Variants in PLCD4 observed in about 807,000 individuals in gnomAD.
PLCD4 encodes phospholipase C delta 4, also known as 1-phosphatidylinositol 4,5-bisphosphate phosphodiesterase delta-4.
In PLCD4, 63 loss-of-function variants were observed where a neutral mutation model predicts 90.2. The observed-to-expected ratio is 0.70, with a 90% CI of 0.57 to 0.86. PLCD4 has a LOEUF of 0.86. Among genes scored for constraint, PLCD4 ranks in the 40% least tolerant of loss-of-function variants. The probability of loss-of-function intolerance (pLI) is 0.00; values close to 1 mark genes in which losing one functional copy is unlikely to be tolerated. For synonymous variants in PLCD4, 294 were observed against 356.5 expected (o/e 0.82, Z 1.97); for missense variants, 830 against 956.3 (o/e 0.87, Z 1.74).
rs1313664390 is a variant in PLCD4, at chr2:218,636,329, G to A, written c.2119G>A (p.Asp707Asn). 2.5e-6 allele frequency: 4 copies of A among 1,614,022 alleles called. No homozygotes were observed. Among genetic ancestry groups the A allele is most frequent in the Non-Finnish European group, 3.4e-6 (4 of 1,179,902 alleles). The stretch of plus-strand genomic sequence containing the variant: ...GCTGCGTTTTGTGGTAATGGATTAT[G>A]ACTGGAAATCCCGAAATGACTTTAT... ...AMLRFVVMDY[D>N]WKSRNDFIGQ... Residue 707 changes from aspartate (D) to asparagine (N), a missense_variant, in exon 15 of 16, where the codon GAC becomes AAC. Physicochemically the swap from Asp to Asn is conservative, Grantham distance 23. Coordinates refer to ENST00000450993, the MANE Select transcript of PLCD4 (RefSeq NM_032726.4).
chr2:218,633,530 G>T, intron 10 of PLCD4, 75 bp from the exon 11 acceptor site: 1 of 1,524,674 alleles, frequency 6.6e-7, no homozygotes, highest in East Asian at 2.2e-5. Context: ...CAGAGGTTTA[G>T]GTTGGATGGC....
At position 218,634,397 on chromosome 2, in the gene PLCD4, A is replaced by C; in HGVS notation, c.1724-61A>C. The C allele has an allele frequency of 6.3e-7, 1 of 1,582,432 alleles. No homozygotes were observed. The highest frequency in any genetic ancestry group is 1.2e-5 in the South Asian group (1 of 85,758). Reference sequence around the variant, plus strand: ...CAGTACCTATCTTCTTAACTCCCTGAAAGAGGGGCTGGAAGGCCTCCATGG... The same window carrying C: ...CAGTACCTATCTTCTTAACTCCCTGCAAGAGGGGCTGGAAGGCCTCCATGG... On this transcript the variant is annotated intron_variant, in intron 12 of 15. Transcript: ENST00000450993. The surrounding 1 kb of genome is among the most constrained non-coding windows in gnomAD (Gnocchi z 4.0).
chr2:218,621,308 G>T (rs1296355296), intron 4 of PLCD4, among the ~76,000 whole-genome samples, 162 bp from the exon 5 acceptor site: 1 of 152,246 alleles, frequency 6.6e-6, no homozygotes, highest in Non-Finnish European at 1.5e-5. Flanking sequence ...AGATAGATTG[G>T]TGCTCTAGAG....
At position 218,615,722 on chromosome 2, in the gene PLCD4, C is replaced by G. The variant is rs1314276949; in HGVS notation, c.-18C>G. 3.8e-5 allele frequency: 60 copies of G among 1,599,472 alleles called. No homozygotes were observed. The highest frequency in any genetic ancestry group is 5.0e-5 in the Non-Finnish European group (59 of 1,173,606). ...GCTCCTTTAGGTGATCTGGTGCCAGCTGGTGGAACAGTGGGTGATGGCGTC... is the reference window on the plus strand; with the variant it reads ...GCTCCTTTAGGTGATCTGGTGCCAGGTGGTGGAACAGTGGGTGATGGCGTC... On this transcript the variant is annotated 5_prime_UTR_variant, in exon 2 of 16. Coordinates refer to ENST00000450993, the MANE Select transcript of PLCD4 (RefSeq NM_032726.4).
intron 1 of PLCD4, 85 bp downstream of exon 1, chr2:218,608,155 A>G (rs1695174566): frequency 6.6e-6 from 1 of 152,326 alleles, no homozygotes; most frequent in South Asian, 2.1e-4. Flanking sequence ...ATGCTTATCC[A>G]CCCTGATTAA....
chr2:218,617,309 G>A (rs1279999814), intron 3 of PLCD4, among the ~76,000 whole-genome samples: 1 of 148,644 alleles, frequency 6.7e-6, no homozygotes, highest in African/African-American at 2.5e-5. Context: ...GGGTGTGGTG[G>A]ATCATGCCTG....
chr2:218,614,640 G>A (rs1055715405), intron 1 of PLCD4, among the ~76,000 whole-genome samples: 4 of 149,250 alleles, frequency 2.7e-5, no homozygotes, highest in Non-Finnish European at 4.4e-5. Context: ...CTAGTGAGAC[G>A]GGGTTTTGCC....
intron 2 of PLCD4, 45 bp downstream of exon 2, chr2:218,615,806 C>A: frequency 6.2e-7 from 1 of 1,601,752 alleles, no homozygotes; most frequent in South Asian, 1.1e-5. Context: ...TAGTGTACAG[C>A]TCAGGGAAGG....
intron 6 of PLCD4, among the ~76,000 whole-genome samples, chr2:218,623,152 A>G (rs1333377779): frequency 1.3e-5 from 2 of 152,054 alleles, no homozygotes; most frequent in African/African-American, 4.8e-5. Flanking sequence ...TGTTTCCTTT[A>G]CTTTCAGGAA....
chr2:218,625,358 A>T lies in PLCD4; in HGVS notation c.772+2480A>T, dbSNP rs572203546. Among the ~76,000 whole-genome samples the T allele has an allele frequency of 9.9e-5, 15 of 152,064 alleles. No homozygotes were observed. The East Asian group carries it at 2.7e-3, about 27-fold the overall frequency. On this transcript the variant is annotated intron_variant, in intron 6 of 15. Coordinates refer to ENST00000450993, the MANE Select transcript of PLCD4 (RefSeq NM_032726.4). ...ATCTTTTGTTACCTGTGCAGAATCC[A>T]GTAAACATCAGTTACATTTGTTTCG...
intron 10 of PLCD4, chr2:218,633,174 A>G (rs1358588232): frequency 3.5e-5 from 20 of 563,426 alleles, no homozygotes; most frequent in South Asian, 9.6e-5. Context: ...ATACCTTGAC[A>G]TATCTGTCTG....
At chr2:218,633,510 A>T in intron 10 of PLCD4, 95 bp from the exon 11 acceptor site, 1 of 1,391,590 alleles carries the variant, frequency 7.2e-7, no homozygotes, top group Non-Finnish European at 1.0e-6. Flanking sequence ...TACAGTGGGG[A>T]GGCAGTGGGC....
At chr2:218,617,813 G>A (rs1023845582) in intron 3 of PLCD4, among the ~76,000 whole-genome samples, 70 of 152,226 alleles carry the variant, frequency 4.6e-4, no homozygotes, top group African/African-American at 1.2e-3. Flanking sequence ...GGGGCCAGGC[G>A]TGGTGGCTCA....
chr2:218,634,227 G>A lies in PLCD4; in HGVS notation c.1723+6G>A. 1.2e-6 allele frequency: 2 copies of A among 1,605,582 alleles called. No individual in the cohort carries two copies. The highest frequency in any genetic ancestry group is 4.5e-5 in the East Asian group (2 of 44,646). On this transcript the variant is annotated splice_donor_region_variant and intron_variant, in intron 12 of 15. Transcript: ENST00000450993. The surrounding 1 kb of genome is among the most constrained non-coding windows in gnomAD (Gnocchi z 4.0). Reference sequence around the variant, plus strand: ...GAATGCAGGCTGCCAGATGGGTGAGGAGGCAGCAGGGACTGGGAAGAGGGA... The same window carrying A: ...GAATGCAGGCTGCCAGATGGGTGAGAAGGCAGCAGGGACTGGGAAGAGGGA...
intron 6 of PLCD4, among the ~76,000 whole-genome samples, chr2:218,627,536 G>A (rs1286252737): frequency 2.7e-5 from 4 of 150,510 alleles, no homozygotes; most frequent in African/African-American, 4.9e-5. Flanking sequence ...TTTTTGAGAC[G>A]GAGTCTCACT....
At chr2:218,613,962 A>G (rs1695460292) in intron 1 of PLCD4, among the ~76,000 whole-genome samples, 1 of 152,100 alleles carries the variant, frequency 6.6e-6, no homozygotes, top group Admixed American at 6.6e-5. Context: ...GTCAGCTACT[A>G]GGACAACTTA....
chr2:218,620,079 C>T (rs902353423), intron 4 of PLCD4, among the ~76,000 whole-genome samples: 1 of 152,058 alleles, frequency 6.6e-6, no homozygotes, highest in Non-Finnish European at 1.5e-5. Context: ...GGGATTTTGC[C>T]ACATTGCTCA....
At position 218,634,432 on chromosome 2, in the gene PLCD4, CTCT is replaced by C. The variant is rs1575043152; in HGVS notation, c.1724-21_1724-19del. On this transcript the variant is annotated intron_variant, in intron 12 of 15. Transcript: ENST00000450993. The surrounding 1 kb of genome is among the most constrained non-coding windows in gnomAD (Gnocchi z 4.0). ...TGGAAGGCCTCCATGGTGAATCTTG[CTCT>C]TCTTTTCTCCTGGGGCCCTCAGTGG... The C allele has an allele frequency of 5.0e-6, 8 of 1,602,534 alleles. No homozygotes were observed. The highest frequency in any genetic ancestry group is 6.8e-6 in the Non-Finnish European group (8 of 1,174,222).
At chr2:218,614,035 A>G (rs1695468023) in intron 1 of PLCD4, among the ~76,000 whole-genome samples, 3 of 143,920 alleles carry the variant, frequency 2.1e-5, no homozygotes, top group South Asian at 4.3e-4. Flanking sequence ...TTTTTTTGAG[A>G]TGGAGTCTTG....
Sources: gnomAD v4.1 joint callset for allele counts (sites outside exome capture counted in the v4.1 genomes callset) on GRCh38, gnomAD v4.1.1 for gene constraint, Gnocchi (gnomAD v3.1) non-coding constraint, MANE v1.5 for transcripts, NCBI Gene and HGNC (gene_info 2026-07-23, HGNC 2026-07-21) for gene names.